RYR2: variants seen among roughly 807,000 people sequenced by gnomAD.
RYR2 encodes the protein ryanodine receptor 2.
Under a neutral mutation model 601.1 loss-of-function variants are expected in RYR2, and 227 were observed. That is an observed-to-expected ratio of 0.38 (90% confidence interval 0.34 to 0.42). The LOEUF (loss-of-function observed/expected upper bound fraction) is 0.42, where lower values mean the gene tolerates loss of function less well. Among genes scored for constraint, RYR2 ranks in the 10% least tolerant of loss-of-function variants. RYR2 has a pLI of 1.00. For synonymous variants in RYR2, 2,223 were observed against 2,175.1 expected (o/e 1.02, Z -0.61); for missense variants, 4,646 against 6,156.5 (o/e 0.75, Z 8.21).
At chr1:237,729,720 G>T (rs1372642732) in intron 76 of RYR2, among the ~76,000 whole-genome samples, 1 of 152,060 alleles carries the variant, frequency 6.6e-6, no homozygotes, top group Non-Finnish European at 1.5e-5. Flanking sequence ...GGCCATTTAT[G>T]ATAAGTAGTG....
At chr1:237,569,963 A>G (rs776818315) in intron 29 of RYR2, among the ~76,000 whole-genome samples, 53 of 152,242 alleles carry the variant, frequency 3.5e-4, no homozygotes, top group Non-Finnish European at 7.1e-4. Flanking sequence ...CAAGCCTGTA[A>G]TCCCAGCACT....
rs1215719873 is a variant in RYR2 at position 237,610,840 on chromosome 1, G to A, written c.4762G>A (p.Val1588Met). 4.3e-6 allele frequency: 7 copies of A among 1,612,998 alleles called. No homozygotes were observed. The highest frequency in any genetic ancestry group is 2.2e-5 in the East Asian group (1 of 44,844). ...PVPQCPPRLHVQFLSHVLWSR... is the reference protein window; with the variant it reads ...PVPQCPPRLHMQFLSHVLWSR... ...GCCGCAGTGCCCCCCGCGCCTCCACGTGCAGTTCCTGTCACACGTCCTGTG... is the reference window on the plus strand; with the variant it reads ...GCCGCAGTGCCCCCCGCGCCTCCACATGCAGTTCCTGTCACACGTCCTGTG... The change falls in exon 36 of 105, where the codon GTG becomes ATG. Residue 1588 changes from valine to methionine, a missense_variant. This residue lies in a region of RYR2 where 1,807 missense variants were observed against 2,088.1 expected (regional missense o/e 0.87). Transcript: ENST00000366574. This position sits in a 1 kb window ranked among gnomAD's most constrained non-coding sequence, Gnocchi z 4.9.
In RYR2 at chr1:237,749,548, A is replaced by T. The variant is rs192243287; in HGVS notation, c.11146-6740A>T. Among the ~76,000 whole-genome samples the T allele has an allele frequency of 1.2e-3, 183 of 152,190 alleles. 1 individual carries two copies. Among genetic ancestry groups the T allele is most frequent in the African/African-American group, 4.1e-3 (172 of 41,540 alleles). The stretch of plus-strand genomic sequence containing the variant: ...GAACATAAACAACACAACACAGGAG[A>T]CCTGGATTATCAGCCAGGTGCTGTG... On this transcript the variant is annotated intron_variant, in intron 80 of 104. Transcript: ENST00000366574.
intron 2 of RYR2, among the ~76,000 whole-genome samples, chr1:237,302,650 T>C (rs1329900856): frequency 6.6e-6 from 1 of 152,208 alleles, no homozygotes; most frequent in East Asian, 1.9e-4. Context: ...AGGAACATTG[T>C]TAGGCTAAGA....
chr1:237,706,131 C>T (rs1325772075), intron 67 of RYR2, among the ~76,000 whole-genome samples: 2 of 152,108 alleles, frequency 1.3e-5, no homozygotes, highest in African/African-American at 4.8e-5. Flanking sequence ...TGCCTGTAAT[C>T]CTGGCTACTC....
intron 10 of RYR2, among the ~76,000 whole-genome samples, chr1:237,411,479 A>G (rs955250692): frequency 1.3e-5 from 2 of 152,112 alleles, no homozygotes; most frequent in Non-Finnish European, 2.9e-5. Context: ...AATCCATTCA[A>G]TTCAGGCAAA....
intron 11 of RYR2, 37 bp downstream of exon 11, chr1:237,417,160 G>C (rs765544772): frequency 4.7e-6 from 7 of 1,504,838 alleles, no homozygotes; most frequent in Non-Finnish European, 6.5e-6. Flanking sequence ...AATGCACCAA[G>C]TGTACCAAAT....
At chr1:237,067,523 G>A (rs1187206498) in intron 1 of RYR2, among the ~76,000 whole-genome samples, 1 of 152,156 alleles carries the variant, frequency 6.6e-6, no homozygotes, top group East Asian at 1.9e-4. Flanking sequence ...ACCATACAGT[G>A]TTGATTACTG....
chr1:237,764,480 G>A lies in RYR2; in HGVS notation c.11476+3452G>A, dbSNP rs140201064. 3.1e-3 allele frequency among the ~76,000 whole-genome samples: 419 copies of A among 134,914 alleles called. 2 individuals are homozygous for A. Among genetic ancestry groups the A allele is most frequent in the Middle Eastern group, 0.031 (6 of 196 alleles). The allele number at this position is 134,914 out of a possible 152,430, so 88.5% of individuals were successfully genotyped here. On this transcript the variant is annotated intron_variant, in intron 84 of 104. Coordinates refer to ENST00000366574, the MANE Select transcript of RYR2 (RefSeq NM_001035.3). ...TTAATTCTTTTTGAGATGGAGTGTCGCTCTGTCGCCCAGGCTGGAGTGCAG... is the reference window on the plus strand; with the variant it reads ...TTAATTCTTTTTGAGATGGAGTGTCACTCTGTCGCCCAGGCTGGAGTGCAG...
At chr1:237,576,024 A>G (rs1673185433) in intron 29 of RYR2, among the ~76,000 whole-genome samples, 2 of 152,214 alleles carry the variant, frequency 1.3e-5, no homozygotes, top group Non-Finnish European at 2.9e-5. Context: ...GTAGCTAGGT[A>G]TCTCTCTAAC....
chr1:237,264,887 A>C (rs2149326282), intron 1 of RYR2, among the ~76,000 whole-genome samples: 2 of 151,454 alleles, frequency 1.3e-5, no homozygotes, highest in South Asian at 4.2e-4. Flanking sequence ...TTTTTAGTAG[A>C]GATGGGGTTT....
intron 97 of RYR2, among the ~76,000 whole-genome samples, chr1:237,799,457 A>G (rs1574002845): frequency 6.6e-6 from 1 of 152,238 alleles, no homozygotes; most frequent in South Asian, 2.1e-4. Flanking sequence ...TTTTTCTACT[A>G]TGAAGAAATA....
intron 63 of RYR2, among the ~76,000 whole-genome samples, chr1:237,695,620 T>A (rs762309811): frequency 2.6e-5 from 4 of 152,242 alleles, no homozygotes; most frequent in Non-Finnish European, 5.9e-5. Context: ...TTGACATTTC[T>A]GATTATGGTA....
At chr1:237,353,409 T>G (rs1699031160) in intron 3 of RYR2, among the ~76,000 whole-genome samples, 1 of 149,188 alleles carries the variant, frequency 6.7e-6, no homozygotes, top group East Asian at 2.0e-4. Flanking sequence ...TCCAGGAAAC[T>G]GAGACAGGAG....
intron 42 of RYR2, among the ~76,000 whole-genome samples, chr1:237,631,782 C>T (rs1022004204): frequency 3.3e-5 from 5 of 151,596 alleles, no homozygotes; most frequent in African/African-American, 9.7e-5. Flanking sequence ...CGCCCGCCAC[C>T]TCGCCCGGCT....
chr1:237,651,702 T>G (rs911843686), intron 51 of RYR2, among the ~76,000 whole-genome samples: 1 of 151,984 alleles, frequency 6.6e-6, no homozygotes, highest in African/African-American at 2.4e-5. Context: ...AATCTTAACA[T>G]TGATTTCCAT....
At chr1:237,387,892 C>T (rs1572094415) in intron 9 of RYR2, among the ~76,000 whole-genome samples, 195 bp from the exon 10 acceptor site, 1 of 152,070 alleles carries the variant, frequency 6.6e-6, no homozygotes, top group Non-Finnish European at 1.5e-5. Context: ...GGGAATATCC[C>T]TAACTGTGGG....
At chr1:237,560,664 T>A (rs1671357213) in intron 27 of RYR2, among the ~76,000 whole-genome samples, 1 of 152,238 alleles carries the variant, frequency 6.6e-6, no homozygotes. Flanking sequence ...TTTGCCAGCC[T>A]TTAGTTAATT....
At chr1:237,101,318 A>AAAAAAAAAC (rs1558234245) in intron 1 of RYR2, among the ~76,000 whole-genome samples, 3 of 144,110 alleles carry the variant, frequency 2.1e-5, no homozygotes, top group Non-Finnish European at 4.5e-5. Flanking sequence ...AAAAAAAAAA[A>AAAAAAAAAC]AAAAAACCTC....
Sources: gnomAD v4.1 joint callset for allele counts (sites outside exome capture counted in the v4.1 genomes callset) on GRCh38, gnomAD v4.1.1 for gene constraint, gnomAD v4.1.1 regional missense constraint, Gnocchi (gnomAD v3.1) non-coding constraint, MANE v1.5 for transcripts, NCBI Gene and HGNC (gene_info 2026-07-23, HGNC 2026-07-21) for gene names.